NKAIN2: variants seen among roughly 807,000 people sequenced by gnomAD.
The protein encoded by NKAIN2 is sodium/potassium-transporting ATPase subunit beta-1-interacting protein 2.
A neutral mutation model predicts 32.6 loss-of-function variants in NKAIN2; 14 were observed. That is an observed-to-expected ratio of 0.43 (90% CI 0.28 to 0.67). NKAIN2 has a LOEUF of 0.67. Ranked by LOEUF, NKAIN2 falls within the 30% of genes least tolerant of loss-of-function variation. NKAIN2 has a pLI of 0.17. For missense variants in NKAIN2, 198 were observed against 258.3 expected (o/e 0.77, Z 1.60); for synonymous variants, 80 against 87.2 (o/e 0.92, Z 0.46).
chr6:124,329,399 T>G lies in NKAIN2; in HGVS notation c.193-25868T>G, dbSNP rs142962831. The stretch of plus-strand genomic sequence containing the variant: ...TTCCTGATCTCTTAGATCAAAGAAT[T>G]TAAAGTAACTGGGTGGCAGCTATGG... On this transcript the variant is annotated intron_variant, in intron 2 of 6. Coordinates refer to ENST00000368417, the MANE Select transcript of NKAIN2 (RefSeq NM_001040214.3). Among the ~76,000 whole-genome samples, 832 of 152,292 alleles carry G rather than the reference T, an allele frequency of 5.5e-3. 5 individuals are homozygous for G. The highest frequency in any genetic ancestry group is 0.019 in the African/African-American group (795 of 41,556).
intron 2 of NKAIN2, among the ~76,000 whole-genome samples, chr6:124,283,522 T>C (rs1470025027): frequency 6.6e-6 from 1 of 152,200 alleles, no homozygotes; most frequent in Non-Finnish European, 1.5e-5. Context: ...GAGTTTAAAA[T>C]CAATAGGAAT....
At chr6:124,661,784 A>T (rs569357559) in intron 4 of NKAIN2, among the ~76,000 whole-genome samples, 5 of 152,276 alleles carry the variant, frequency 3.3e-5, no homozygotes, top group East Asian at 1.9e-4. Context: ...ACCAAAAATT[A>T]AAAAAATCCA....
chr6:124,771,622 T>C lies in NKAIN2; in HGVS notation c.475-19717T>C, dbSNP rs192948874. Among the ~76,000 whole-genome samples the C allele has an allele frequency of 2.3e-3, 354 of 152,336 alleles. 3 individuals are homozygous for C. Among genetic ancestry groups the C allele is most frequent in the African/African-American group, 8.2e-3 (340 of 41,586 alleles). On this transcript the variant is annotated intron_variant, in intron 4 of 6. Transcript: ENST00000368417. ...ACTTTTGCAAAATTGTGTTTTTATA[T>C]GTAGATTATAGTGTATTAACAGAGA...
intron 1 of NKAIN2, among the ~76,000 whole-genome samples, chr6:123,904,230 TA>T (rs1397650932): frequency 6.2e-5 from 9 of 146,178 alleles, no homozygotes; most frequent in East Asian, 2.0e-4. Context: ...AAACTCTGCT[TA>T]AAAAAAAAAG....
intron 1 of NKAIN2, among the ~76,000 whole-genome samples, chr6:123,897,579 C>T (rs2114399672): frequency 6.6e-6 from 1 of 152,142 alleles, no homozygotes; most frequent in Non-Finnish European, 1.5e-5. Flanking sequence ...ATGCAGTGTG[C>T]ACTGGGATGG....
chr6:124,716,444 T>C (rs751813452), intron 4 of NKAIN2, among the ~76,000 whole-genome samples: 2 of 152,192 alleles, frequency 1.3e-5, no homozygotes, highest in Non-Finnish European at 2.9e-5. Context: ...GTTGAGATCA[T>C]AGAGTGATGA....
chr6:124,766,551 C>T (rs565986936), intron 4 of NKAIN2, among the ~76,000 whole-genome samples: 10 of 152,220 alleles, frequency 6.6e-5, no homozygotes, highest in East Asian at 1.9e-4. Context: ...TCTTGCTGAC[C>T]CTTAGTACTC....
chr6:124,153,163 A>G (rs1468435014), intron 1 of NKAIN2, among the ~76,000 whole-genome samples: 1 of 151,918 alleles, frequency 6.6e-6, no homozygotes, highest in Non-Finnish European at 1.5e-5. Flanking sequence ...TGCACACAAC[A>G]CCAAAAAAGA....
intron 3 of NKAIN2, among the ~76,000 whole-genome samples, chr6:124,637,470 TTG>T (rs1399090545): frequency 6.6e-6 from 1 of 152,090 alleles, no homozygotes; most frequent in Non-Finnish European, 1.5e-5. Context: ...AATAACATTT[TTG>T]TGTTATTTTT....
At chr6:124,060,976 C>T (rs1015763681) in intron 1 of NKAIN2, among the ~76,000 whole-genome samples, 2 of 151,958 alleles carry the variant, frequency 1.3e-5, no homozygotes, top group Admixed American at 1.3e-4. Context: ...GATAATATGG[C>T]TTTTTATTTT....
At chr6:124,205,333 T>G (rs1582844531) in intron 1 of NKAIN2, among the ~76,000 whole-genome samples, 1 of 146,694 alleles carries the variant, frequency 6.8e-6, no homozygotes, top group African/African-American at 2.5e-5. Context: ...TCTAGAATAC[T>G]CTGGGTTACT....
At chr6:124,798,347 A>G (rs1582541823) in intron 5 of NKAIN2, among the ~76,000 whole-genome samples, 1 of 152,200 alleles carries the variant, frequency 6.6e-6, no homozygotes, top group East Asian at 1.9e-4. Flanking sequence ...ATGTAACATA[A>G]TCTTAGTATC....
intron 3 of NKAIN2, among the ~76,000 whole-genome samples, chr6:124,394,456 G>GAGATAGATAGAT (rs59551274): frequency 0.045 from 6,469 of 143,614 alleles, 151 homozygotes; most frequent in East Asian, 0.067. Flanking sequence ...GAATCAATAT[G>GAGATAGATAGAT]AGATAGATAG....
intron 4 of NKAIN2, among the ~76,000 whole-genome samples, chr6:124,771,417 G>GA (rs1305358278): frequency 9.2e-5 from 14 of 152,116 alleles, no homozygotes; most frequent in African/African-American, 3.4e-4. Context: ...GTCTTTTACA[G>GA]AAAAAATTGA....
chr6:124,210,934 A>G (rs1791142597), intron 1 of NKAIN2, among the ~76,000 whole-genome samples: 1 of 150,288 alleles, frequency 6.7e-6, no homozygotes, highest in Non-Finnish European at 1.5e-5. Context: ...CTCTTTATTT[A>G]CTTATCTTCT....
At chr6:124,325,707 A>C (rs1797383139) in intron 2 of NKAIN2, among the ~76,000 whole-genome samples, 1 of 152,116 alleles carries the variant, frequency 6.6e-6, no homozygotes, top group Non-Finnish European at 1.5e-5. Flanking sequence ...TATTGACATA[A>C]TCAGAACAGT....
rs375493845 is a variant in NKAIN2 at position 124,207,699 on chromosome 6, G to A, written c.55-75306G>A. 2.0e-4 allele frequency among the ~76,000 whole-genome samples: 31 copies of A among 151,738 alleles called. No homozygotes were observed. The South Asian group carries it at 5.4e-3, about 26-fold the overall frequency. The stretch of plus-strand genomic sequence containing the variant: ...TTTTGTTCAAACTGAATAATTTACC[G>A]TATTTCTGTTTTTAAAAGACAGTAG... On this transcript the variant is annotated intron_variant, in intron 1 of 6. Transcript: ENST00000368417.
intron 1 of NKAIN2, among the ~76,000 whole-genome samples, chr6:124,024,902 G>C (rs1283557211): frequency 6.6e-6 from 1 of 151,772 alleles, no homozygotes; most frequent in African/African-American, 2.4e-5. Flanking sequence ...CAGGAGAATC[G>C]CTTGAACTTG....
chr6:124,668,813 T>A (rs940008763), intron 4 of NKAIN2, among the ~76,000 whole-genome samples: 1 of 152,114 alleles, frequency 6.6e-6, no homozygotes, highest in African/African-American at 2.4e-5. Flanking sequence ...TAGAGGCAGG[T>A]TGTCAAAGGA....
Sources: allele counts gnomAD v4.1 joint callset (sites outside exome capture counted in the v4.1 genomes callset), GRCh38; gene constraint gnomAD v4.1.1; transcripts MANE v1.5; gene names NCBI Gene and HGNC (gene_info 2026-07-23, HGNC 2026-07-21).